Variants in STAB2 observed in about 807,000 individuals in gnomAD.
STAB2 encodes the protein stabilin-2.
STAB2 carries 288 observed loss-of-function variants against 338.1 expected under a neutral mutation model. The ratio of observed to expected loss-of-function variants is 0.85; its 90% CI spans 0.77 to 0.94. The LOEUF (loss-of-function observed/expected upper bound fraction) is 0.94. Ranked by LOEUF, STAB2 falls within the 40% of genes least tolerant of loss-of-function variation. The pLI is 0.00. For missense variants in STAB2, 3,141 were observed against 3,210.1 expected, an observed-to-expected ratio of 0.98 and a Z score of 0.52; for synonymous variants, 1,202 against 1,193.3, an observed-to-expected ratio of 1.01 and a Z score of -0.15.
chr12:103,688,090 C>T, intron 27 of STAB2, 78 bp from the exon 28 acceptor site: 2 of 1,425,616 alleles, frequency 1.4e-6, no homozygotes, highest in Non-Finnish European at 2.0e-6. Flanking sequence ...CAGAGATGCA[C>T]TGTGATTGCA....
At chr12:103,599,222 C>T (rs1483434681) in intron 3 of STAB2, among the ~76,000 whole-genome samples, 1 of 152,144 alleles carries the variant, frequency 6.6e-6, no homozygotes, top group Admixed American at 6.5e-5. Context: ...CAGAGAAGTC[C>T]CTGGTCTCTT....
chr12:103,633,203 C>T (rs1280361620), intron 6 of STAB2, among the ~76,000 whole-genome samples: 1 of 152,148 alleles, frequency 6.6e-6, no homozygotes. Flanking sequence ...GGCAGGAGAC[C>T]CAGTCCAGAA....
At chr12:103,756,793 T>A (rs1884133028) in intron 63 of STAB2, among the ~76,000 whole-genome samples, 1 of 151,936 alleles carries the variant, frequency 6.6e-6, no homozygotes, top group African/African-American at 2.4e-5. Flanking sequence ...GGAGTCTCTG[T>A]CCACAGACCA....
chr12:103,728,981 A>G lies in STAB2; in HGVS notation c.5068A>G (p.Ile1690Val). The change falls in exon 48 of 69, where the codon ATC becomes GTC. Residue 1690 changes from isoleucine to valine, a missense_variant. Coordinates refer to ENST00000388887, the MANE Select transcript of STAB2 (RefSeq NM_017564.10). The part of the protein sequence containing the change: ...ATSLQGEPIV[I>V]SVSQSTVYIN... ...TTCCCTCCAAGGAGAGCCAATAGTCATCTCCGTCTCTCAGGTAGATGCCAG... is the reference window on the plus strand; with the variant it reads ...TTCCCTCCAAGGAGAGCCAATAGTCGTCTCCGTCTCTCAGGTAGATGCCAG... The G allele has an allele frequency of 6.2e-7, 1 of 1,613,874 alleles. No individual in the cohort carries two copies. Among genetic ancestry groups the G allele is most frequent in the African/African-American group, 1.3e-5 (1 of 75,016 alleles).
chr12:103,727,136 A>G, intron 46 of STAB2, 131 bp from the exon 47 acceptor site: 1 of 870,294 alleles, frequency 1.1e-6, no homozygotes, highest in Non-Finnish European at 1.9e-6. Context: ...ATTTGAATCC[A>G]AGACTGAAAC....
intron 56 of STAB2, among the ~76,000 whole-genome samples, 177 bp downstream of exon 56, chr12:103,742,731 T>TG (rs1195973822): frequency 2.6e-5 from 4 of 152,184 alleles, no homozygotes; most frequent in Non-Finnish European, 5.9e-5. Context: ...CAGTTTCCAA[T>TG]GAAAAAGCTT....
At chr12:103,743,764 T>G (rs1200123194) in intron 56 of STAB2, among the ~76,000 whole-genome samples, 1 of 152,092 alleles carries the variant, frequency 6.6e-6, no homozygotes, top group South Asian at 2.1e-4. Flanking sequence ...GATGAGCAAG[T>G]GCAAAGGCCC....
chr12:103,677,704 T>C, intron 25 of STAB2, 93 bp downstream of exon 25: 1 of 1,451,934 alleles, frequency 6.9e-7, no homozygotes, highest in South Asian at 1.6e-5. Context: ...GGCTAGAACT[T>C]ACTGCAGCTT....
intron 55 of STAB2, 127 bp downstream of exon 55, chr12:103,740,883 C>A: frequency 7.5e-7 from 1 of 1,330,096 alleles, no homozygotes; most frequent in East Asian, 2.7e-5. Context: ...ATTCCCAGAC[C>A]CCAGAACTCT....
intron 6 of STAB2, among the ~76,000 whole-genome samples, chr12:103,632,590 G>A (rs911352600): frequency 6.6e-6 from 1 of 152,210 alleles, no homozygotes; most frequent in Non-Finnish European, 1.5e-5. Flanking sequence ...CGAGAGGGCT[G>A]TGGGAAGGTA....
chr12:103,724,311 T>C (rs1445172418), intron 44 of STAB2, among the ~76,000 whole-genome samples: 1 of 152,172 alleles, frequency 6.6e-6, no homozygotes, highest in Non-Finnish European at 1.5e-5. Context: ...CAAAGACCTC[T>C]GCAGGAAGAG....
rs770858326 is a variant in STAB2, at chr12:103,730,217, T to A, written c.5184T>A (p.Asn1728Lys). ...HIIDKLLSPKNLLITPKDNSG... is the reference protein window; with the variant it reads ...HIIDKLLSPKKLLITPKDNSG... ...TAGACAAATTGCTATCTCCCAAAAA[T>A]TTGCTTATCACTCCCAAAGACAACT... The change falls in exon 49 of 69, where the codon AAT becomes AAA. Residue 1728 changes from asparagine to lysine, a missense_variant. Coordinates refer to ENST00000388887, the MANE Select transcript of STAB2 (RefSeq NM_017564.10). 7 of 1,613,684 alleles carry A rather than the reference T, an allele frequency of 4.3e-6. No individual in the cohort carries two copies. The South Asian group carries it at 6.6e-5, about 15-fold the overall frequency.
Position 103,717,806 on chromosome 12 carries a change from G to A in STAB2, c.4648G>A (p.Gly1550Arg). The change falls in exon 44 of 69, where the codon GGA becomes AGA. Residue 1550 changes from glycine (G) to arginine (R), a missense_variant. Coordinates refer to ENST00000388887, the MANE Select transcript of STAB2 (RefSeq NM_017564.10). ...CTGTTTGCCAGCATACACTGGAGAT[G>A]GAAAGGTCTGCACACTCATCAATGT... ...CNCLPAYTGD[G>R]KVCTLINVCL... 3 of 1,614,060 alleles carry A rather than the reference G, an allele frequency of 1.9e-6. No individual in the cohort carries two copies. Among genetic ancestry groups the A allele is most frequent in the Non-Finnish European group, 2.5e-6 (3 of 1,179,990 alleles).
intron 50 of STAB2, among the ~76,000 whole-genome samples, chr12:103,731,842 C>T (rs1387968841): frequency 1.3e-5 from 2 of 152,100 alleles, no homozygotes; most frequent in African/African-American, 4.8e-5. Flanking sequence ...ATATAATGTA[C>T]ATTGGCTGAG....
chr12:103,640,455 A>G (rs759008374), intron 9 of STAB2, among the ~76,000 whole-genome samples, 199 bp downstream of exon 9: 2 of 152,162 alleles, frequency 1.3e-5, no homozygotes, highest in Non-Finnish European at 2.9e-5. Flanking sequence ...TATTTCCTTT[A>G]TATGACCATT....
intron 15 of STAB2, 139 bp from the exon 16 acceptor site, chr12:103,660,192 G>A (rs1347673467): frequency 1.2e-6 from 1 of 847,652 alleles, no homozygotes; most frequent in Admixed American, 2.0e-5. Flanking sequence ...TTTGGAGGTG[G>A]GGTTTCTCTC....
intron 3 of STAB2, among the ~76,000 whole-genome samples, chr12:103,600,197 A>T (rs56402195): frequency 0.13 from 19,554 of 152,238 alleles, 1,460 homozygotes; most frequent in South Asian, 0.31. Flanking sequence ...GCACTTTGGT[A>T]AGGACATTTC....
At position 103,619,926 on chromosome 12, in the gene STAB2, T is replaced by A. The variant is rs188998194; in HGVS notation, c.332-542T>A. 2.6e-4 allele frequency among the ~76,000 whole-genome samples: 39 copies of A among 152,302 alleles called. No individual in the cohort carries two copies. In the East Asian group the frequency reaches 6.7e-3, roughly 26 times the overall value. On this transcript the variant is annotated intron_variant, in intron 3 of 68. Coordinates refer to ENST00000388887, the MANE Select transcript of STAB2 (RefSeq NM_017564.10). ...AAGCATAGCCAATTCCTACTGCACC[T>A]TCAAAAGCCCCATTTAAATAACTCC...
chr12:103,655,143 T>G (rs1874084816), intron 13 of STAB2, 108 bp from the exon 14 acceptor site: 2 of 1,060,866 alleles, frequency 1.9e-6, no homozygotes, highest in Non-Finnish European at 2.8e-6. Flanking sequence ...TTTATATAAA[T>G]CCATACTGAC....
Sources: allele counts gnomAD v4.1 joint callset (sites outside exome capture counted in the v4.1 genomes callset), GRCh38; gene constraint gnomAD v4.1.1; transcripts MANE v1.5; gene names NCBI Gene and HGNC (gene_info 2026-07-23, HGNC 2026-07-21).